The following CPPED1 variants were observed in gnomAD, a reference collection of about 807,000 sequenced individuals.
The protein encoded by CPPED1 is calcineurin like phosphoesterase domain containing 1, also known as serine/threonine-protein phosphatase CPPED1.
A neutral mutation model predicts 28.0 loss-of-function variants in CPPED1; 28 were observed. The observed-to-expected ratio is 1.00, with a 90% confidence interval of 0.74 to 1.37. The LOEUF is 1.37. Among genes scored for constraint, CPPED1 ranks in the 40% most tolerant of loss-of-function variants. The probability of loss-of-function intolerance (pLI) is 0.00; values close to 1 mark genes in which losing one functional copy is unlikely to be tolerated. For synonymous variants in CPPED1, 198 were observed against 180.2 expected (o/e 1.10, Z -0.79); for missense variants, 504 against 416.5 (o/e 1.21, Z -1.83).
intron 2 of CPPED1, among the ~76,000 whole-genome samples, chr16:12,764,977 T>G (rs2080430884): frequency 1.3e-5 from 2 of 152,236 alleles, no homozygotes; most frequent in Non-Finnish European, 2.9e-5. Flanking sequence ...CAGTGACTGG[T>G]GGAACAGAAG....
intron 2 of CPPED1, among the ~76,000 whole-genome samples, chr16:12,734,063 T>TTG (rs1567290008): frequency 3.4e-5 from 2 of 58,912 alleles, no homozygotes; most frequent in Admixed American, 2.0e-4. Flanking sequence ...TACACGTTTT[T>TTG]TTTTTTTTTT....
At chr16:12,747,702 G>A (rs1324553087) in intron 2 of CPPED1, among the ~76,000 whole-genome samples, 1 of 152,134 alleles carries the variant, frequency 6.6e-6, no homozygotes, top group Non-Finnish European at 1.5e-5. Flanking sequence ...ACAGGCATGA[G>A]CCACCGCGCC....
intron 1 of CPPED1, among the ~76,000 whole-genome samples, chr16:12,800,704 C>A (rs190598146): frequency 6.9e-4 from 105 of 152,222 alleles, no homozygotes; most frequent in Middle Eastern, 3.4e-3. Context: ...AGCCTCAGCC[C>A]ACACCATGTC....
At chr16:12,769,054 G>T (rs1455824082) in intron 2 of CPPED1, among the ~76,000 whole-genome samples, 3 of 151,740 alleles carry the variant, frequency 2.0e-5, no homozygotes, top group Admixed American at 2.0e-4. Context: ...TAGTAGAGAC[G>T]GGGTTTTACC....
intron 1 of CPPED1, among the ~76,000 whole-genome samples, chr16:12,784,189 C>G (rs1567305893): frequency 6.6e-6 from 1 of 152,196 alleles, no homozygotes; most frequent in African/African-American, 2.4e-5. Flanking sequence ...AATATCCCTA[C>G]AGAGAGGCCA....
At chr16:12,728,395 A>T (rs569170428) in intron 2 of CPPED1, among the ~76,000 whole-genome samples, 1 of 152,346 alleles carries the variant, frequency 6.6e-6, no homozygotes, top group South Asian at 2.1e-4. Context: ...AGGATAACAT[A>T]TCCCTGATAC....
chr16:12,693,195 G>C (rs552206678), intron 3 of CPPED1, among the ~76,000 whole-genome samples: 123 of 152,230 alleles, frequency 8.1e-4, no homozygotes, highest in African/African-American at 2.7e-3. Context: ...CACCCAGGAG[G>C]CTTCACCTAA....
rs192436003 is a variant in CPPED1 at position 12,717,900 on chromosome 16, T to C, written c.290-12851A>G. 5.5e-3 allele frequency among the ~76,000 whole-genome samples: 832 copies of C among 151,554 alleles called. 5 individuals are homozygous for C. The highest frequency in any genetic ancestry group is 0.031 in the Middle Eastern group (9 of 292). On this transcript the variant is annotated intron_variant, in intron 2 of 3. Coordinates refer to ENST00000381774, the MANE Select transcript of CPPED1 (RefSeq NM_018340.3). ...CAAGTGATCTGCTCACCTCCGCCTC[T>C]CAAAGTGCTGTGATTACAGGCGTGA... is the stretch of plus-strand genomic sequence containing the variant.
intron 2 of CPPED1, among the ~76,000 whole-genome samples, chr16:12,750,037 T>C (rs892953053): frequency 7.2e-5 from 11 of 152,236 alleles, no homozygotes; most frequent in Non-Finnish European, 1.5e-5. Context: ...TAAACGTTTC[T>C]GTTGTGGAGA....
chr16:12,720,763 C>T (rs187981924), intron 2 of CPPED1, among the ~76,000 whole-genome samples: 10 of 152,248 alleles, frequency 6.6e-5, no homozygotes, highest in Non-Finnish European at 5.9e-5. Context: ...CAGGCGTGCG[C>T]CATCGTGCCC....
intron 1 of CPPED1, among the ~76,000 whole-genome samples, chr16:12,799,982 C>T (rs910907953): frequency 6.6e-6 from 1 of 152,214 alleles, no homozygotes; most frequent in Non-Finnish European, 1.5e-5. Context: ...TCTCCAGCAT[C>T]CCCATTCTTA....
chr16:12,681,023 G>C lies in CPPED1; in HGVS notation c.716-15908C>G, dbSNP rs13333855. 5.2e-3 allele frequency among the ~76,000 whole-genome samples: 792 copies of C among 152,136 alleles called. 12 individuals are homozygous for C. Among genetic ancestry groups the C allele is most frequent in the African/African-American group, 0.017 (693 of 41,466 alleles). On this transcript the variant is annotated intron_variant, in intron 3 of 3. Coordinates refer to ENST00000381774, the MANE Select transcript of CPPED1 (RefSeq NM_018340.3). ...TTCTTTTTAATGTTTTGCTTGGGTA[G>C]GAAGCAATGGCCCAGTTGTCAAAAT...
rs531123923 is a variant in CPPED1 at position 12,754,676 on chromosome 16, C to A, written c.289+26509G>T. Reference sequence around the variant, plus strand: ...GGAGAATACCAGCTTTTCTTTGGCCCCACAATGGACCCAACTGAAAAAAAT... The same window carrying A: ...GGAGAATACCAGCTTTTCTTTGGCCACACAATGGACCCAACTGAAAAAAAT... On this transcript the variant is annotated intron_variant, in intron 2 of 3. Transcript: ENST00000381774. 9.9e-5 allele frequency among the ~76,000 whole-genome samples: 12 copies of A among 120,672 alleles called. No individual in the cohort carries two copies. The South Asian group carries it at 2.0e-3, about 21-fold the overall frequency. The allele number at this position is 120,672 out of a possible 152,430, so 79.2% of individuals were successfully genotyped here. A position where few individuals can be genotyped will look rare whatever the true frequency, so the allele number is the denominator to read the frequency against.
At chr16:12,672,333 C>T (rs1291917968) in intron 3 of CPPED1, among the ~76,000 whole-genome samples, 3 of 152,168 alleles carry the variant, frequency 2.0e-5, no homozygotes, top group East Asian at 1.9e-4. Context: ...AAGATGTATC[C>T]GGGCTGTACC....
Position 12,737,026 on chromosome 16 carries a change from C to T in CPPED1, c.290-31977G>A, listed in dbSNP as rs896235088. Among the ~76,000 whole-genome samples the T allele has an allele frequency of 4.6e-5, 7 of 151,950 alleles. No individual in the cohort carries two copies. In the East Asian group the frequency reaches 9.7e-4, roughly 21 times the overall value. ...CTAACATGGTAAAACCCTGTCTCTA[C>T]TAAAAATACAAAAATTAGCTGGGTG... is the stretch of plus-strand genomic sequence containing the variant. On this transcript the variant is annotated intron_variant, in intron 2 of 3. Transcript: ENST00000381774.
chr16:12,789,796 G>A (rs1056291499), intron 1 of CPPED1, among the ~76,000 whole-genome samples: 4 of 152,132 alleles, frequency 2.6e-5, no homozygotes, highest in African/African-American at 9.7e-5. Flanking sequence ...CAAGGTGCTA[G>A]GATTACAGCC....
rs2080543932 is a variant in CPPED1, at chr16:12,783,400, G to T, written c.71-1997C>A. Among the ~76,000 whole-genome samples the T allele has an allele frequency of 5.3e-5, 8 of 152,138 alleles. No individual in the cohort carries two copies. The South Asian group carries it at 1.7e-3, about 32-fold the overall frequency. On this transcript the variant is annotated intron_variant, in intron 1 of 3. Transcript: ENST00000381774. ...TATAGTCTCAGCTACTTGGGAGGCT[G>T]AGGTGAGAGGAATACTTTAACCTGG...
intron 1 of CPPED1, among the ~76,000 whole-genome samples, chr16:12,788,772 T>C (rs1323168674): frequency 6.6e-6 from 1 of 152,152 alleles, no homozygotes; most frequent in African/African-American, 2.4e-5. Flanking sequence ...ACTGACATCT[T>C]CTCTCCAAAA....
At chr16:12,699,716 T>C (rs115995589) in intron 3 of CPPED1, among the ~76,000 whole-genome samples, 2 of 152,148 alleles carry the variant, frequency 1.3e-5, no homozygotes, top group Admixed American at 1.3e-4. Context: ...TGATGAGCTT[T>C]TGACATATTT....
Sources: gnomAD v4.1 joint callset for allele counts (sites outside exome capture counted in the v4.1 genomes callset) on GRCh38, gnomAD v4.1.1 for gene constraint, MANE v1.5 for transcripts, NCBI Gene and HGNC (gene_info 2026-07-23, HGNC 2026-07-21) for gene names.